The following MYO18B variants were observed in gnomAD, a reference collection of about 807,000 sequenced individuals.
MYO18B encodes unconventional myosin-XVIIIb.
Under a neutral mutation model 273.0 loss-of-function variants are expected in MYO18B, and 204 were observed. That is an observed-to-expected ratio of 0.75 (90% CI 0.67 to 0.84). The LOEUF (loss-of-function observed/expected upper bound fraction) is 0.84, where lower values mean the gene tolerates loss of function less well. MYO18B is among the 40% of genes least tolerant of loss of function. The probability of loss-of-function intolerance (pLI) is 0.00; values close to 1 mark genes in which losing one functional copy is unlikely to be tolerated. For synonymous variants in MYO18B, 1,330 were observed against 1,305.7 expected, an observed-to-expected ratio of 1.02 and a Z score of -0.40; for missense variants, 3,212 against 3,287.6, an observed-to-expected ratio of 0.98 and a Z score of 0.56.
intron 12 of MYO18B, among the ~76,000 whole-genome samples, chr22:25,810,407 C>CT (rs557370446): frequency 0.27 from 30,368 of 111,114 alleles, 4,002 homozygotes; most frequent in Middle Eastern, 0.31. Flanking sequence ...CTCCTTCAGG[C>CT]TTTTTTTTTT....
At chr22:26,059,856 G>A in the MYO18B span, among the ~76,000 whole-genome samples, 1 of 152,170 alleles carries the variant, frequency 6.6e-6, no homozygotes, top group Non-Finnish European at 1.5e-5. Context: ...ATTGCATGCT[G>A]TCCTGGGAAA....
At chr22:25,930,493 G>A (rs1423897001) in intron 34 of MYO18B, among the ~76,000 whole-genome samples, 1 of 150,848 alleles carries the variant, frequency 6.6e-6, no homozygotes, top group Non-Finnish European at 1.5e-5. Context: ...GCTGTCTCGG[G>A]GCTATTACAT....
At chr22:25,894,527 A>C (rs1478467850) in intron 27 of MYO18B, among the ~76,000 whole-genome samples, 1 of 152,178 alleles carries the variant, frequency 6.6e-6, no homozygotes, top group Non-Finnish European at 1.5e-5. Context: ...TTTTTTTGAG[A>C]TGTTTACCAA....
chr22:25,942,022 G>A (rs1468461328), intron 34 of MYO18B, among the ~76,000 whole-genome samples: 3 of 152,186 alleles, frequency 2.0e-5, no homozygotes, highest in Non-Finnish European at 4.4e-5. Context: ...AACGACAATT[G>A]TTACCATTTT....
At chr22:25,845,452 G>T (rs971557850) in intron 18 of MYO18B, among the ~76,000 whole-genome samples, 1 of 152,196 alleles carries the variant, frequency 6.6e-6, no homozygotes, top group South Asian at 2.1e-4. Context: ...GGGAGGCGGA[G>T]GTTGCAGTAA....
chr22:25,807,626 T>G (rs1383748653), intron 12 of MYO18B, among the ~76,000 whole-genome samples: 1 of 152,134 alleles, frequency 6.6e-6, no homozygotes, highest in Non-Finnish European at 1.5e-5. Flanking sequence ...GCATGGTGGC[T>G]TCAGGACTCC....
At chr22:25,821,283 C>G (rs1359709324) in intron 12 of MYO18B, among the ~76,000 whole-genome samples, 2 of 150,862 alleles carry the variant, frequency 1.3e-5, no homozygotes, top group Non-Finnish European at 2.9e-5. Context: ...TACATTCCCA[C>G]CAACAATGTC....
intron 42 of MYO18B, among the ~76,000 whole-genome samples, chr22:26,012,072 G>A (rs1934960426): frequency 6.6e-6 from 1 of 152,082 alleles, no homozygotes; most frequent in South Asian, 2.1e-4. Flanking sequence ...GGATAAGGCT[G>A]GCTTGAATAA....
At chr22:25,862,355 G>A (rs570396438) in intron 21 of MYO18B, among the ~76,000 whole-genome samples, 1 of 152,134 alleles carries the variant, frequency 6.6e-6, no homozygotes, top group Admixed American at 6.5e-5. Context: ...GTAAGTTAAG[G>A]GAAGCAAAGG....
At chr22:25,757,912 A>G (rs941932280) in intron 1 of MYO18B, among the ~76,000 whole-genome samples, 5 of 152,228 alleles carry the variant, frequency 3.3e-5, no homozygotes, top group African/African-American at 1.2e-4. Flanking sequence ...ATGATTCTGC[A>G]AATGTTTCCC....
At chr22:26,060,204 A>G in the MYO18B span, among the ~76,000 whole-genome samples, 1 of 152,194 alleles carries the variant, frequency 6.6e-6, no homozygotes, top group South Asian at 2.1e-4. Context: ...ATCAGAACAT[A>G]TAATTTGTTT....
chr22:26,014,519 G>T (rs1935159590), intron 42 of MYO18B, among the ~76,000 whole-genome samples: 1 of 152,160 alleles, frequency 6.6e-6, no homozygotes, highest in Non-Finnish European at 1.5e-5. Flanking sequence ...AGTCCTGGCT[G>T]CTTTGATGGC....
the MYO18B span, among the ~76,000 whole-genome samples, chr22:26,040,636 A>G: frequency 6.6e-6 from 1 of 152,178 alleles, no homozygotes; most frequent in Admixed American, 6.5e-5. Context: ...CTTGGGAAAT[A>G]TATTTAAGTA....
chr22:25,970,826 C>T (rs976370804), intron 39 of MYO18B, among the ~76,000 whole-genome samples: 2 of 152,134 alleles, frequency 1.3e-5, no homozygotes, highest in African/African-American at 4.8e-5. Flanking sequence ...GACTTAAACA[C>T]TCAGGGGGAA....
intron 11 of MYO18B, among the ~76,000 whole-genome samples, chr22:25,793,915 C>G (rs1407725599): frequency 3.9e-5 from 6 of 151,970 alleles, no homozygotes; most frequent in Non-Finnish European, 8.8e-5. Flanking sequence ...TGTTTATATT[C>G]TCTCTCCCAT....
Position 25,761,011 on chromosome 22 carries a change from T to TGTCTGTAAAGCCTCATTCCGTGC in MYO18B, c.-81_-59dup, listed in dbSNP as rs2086294494. On this transcript the variant is annotated 5_prime_UTR_variant, in exon 2 of 44. Transcript: ENST00000335473. Reference sequence around the variant, plus strand: ...CTGTGTCCATCTCATGTGCTGCGTGTGTCTGTAAAGCCTCATTCCGTGCTG... The same window carrying TGTCTGTAAAGCCTCATTCCGTGC: ...CTGTGTCCATCTCATGTGCTGCGTGTGTCTGTAAAGCCTCATTCCGTGCGTCTGTAAAGCCTCATTCCGTGCTG... The TGTCTGTAAAGCCTCATTCCGTGC allele has an allele frequency of 6.9e-7, 1 of 1,452,156 alleles. No individual in the cohort carries two copies. Among genetic ancestry groups the TGTCTGTAAAGCCTCATTCCGTGC allele is most frequent in the Non-Finnish European group, 9.6e-7 (1 of 1,036,606 alleles). The allele number at this position is 1,452,156 out of a possible 1,614,324, so 90.0% of individuals were successfully genotyped here.
chr22:25,936,633 TA>T (rs1266681449), intron 34 of MYO18B, among the ~76,000 whole-genome samples: 3 of 152,168 alleles, frequency 2.0e-5, no homozygotes, highest in African/African-American at 7.2e-5. Flanking sequence ...CAGGCTGCCA[TA>T]AAAAAATACC....
rs572131121 is a variant in MYO18B at position 25,803,625 on chromosome 22, C to G, written c.2521+5528C>G. ...AGCCACCTCCAGCCAAGTTTCAGCTCTGCCTTTTAATGGATGTGTAATCTT... is the reference window on the plus strand; with the variant it reads ...AGCCACCTCCAGCCAAGTTTCAGCTGTGCCTTTTAATGGATGTGTAATCTT... On this transcript the variant is annotated intron_variant, in intron 12 of 43. Coordinates refer to ENST00000335473, the MANE Select transcript of MYO18B (RefSeq NM_032608.7). Among the ~76,000 whole-genome samples the G allele has an allele frequency of 5.3e-5, 8 of 152,274 alleles. No individual in the cohort carries two copies. The South Asian group carries it at 1.7e-3, about 32-fold the overall frequency.
chr22:25,921,549 T>C (rs1245789662), intron 34 of MYO18B, 140 bp downstream of exon 34: 1 of 1,085,090 alleles, frequency 9.2e-7, no homozygotes, highest in Non-Finnish European at 1.3e-6. Context: ...ATGGGGGGCA[T>C]TTCAGGGCTG....
Sources: gnomAD v4.1 joint callset for allele counts (sites outside exome capture counted in the v4.1 genomes callset) on GRCh38, gnomAD v4.1.1 for gene constraint, MANE v1.5 for transcripts, NCBI Gene and HGNC (gene_info 2026-07-23, HGNC 2026-07-21) for gene names.